Variants in FBXO11 observed in about 807,000 individuals in gnomAD.
FBXO11 encodes F-box protein 11.
A neutral mutation model predicts 117.0 loss-of-function variants in FBXO11; 13 were observed. That is an observed-to-expected ratio of 0.11 (90% confidence interval 0.07 to 0.18). The LOEUF (loss-of-function observed/expected upper bound fraction) is 0.18. Ranked by LOEUF, FBXO11 falls within the 10% of genes least tolerant of loss-of-function variation. FBXO11 has a pLI of 1.00. For synonymous variants in FBXO11, 490 were observed against 380.5 expected (o/e 1.29, Z -3.35); for missense variants, 767 against 1,164.4 (o/e 0.66, Z 4.97).
intron 1 of FBXO11, among the ~76,000 whole-genome samples, chr2:47,901,878 C>T (rs1276313712): frequency 1.3e-5 from 2 of 152,332 alleles, no homozygotes; most frequent in South Asian, 4.1e-4. Context: ...AAAATCCAAT[C>T]CCACACTACT....
intron 1 of FBXO11, among the ~76,000 whole-genome samples, chr2:47,843,703 C>A (rs1288429364): frequency 6.6e-6 from 1 of 151,910 alleles, no homozygotes; most frequent in Non-Finnish European, 1.5e-5. Flanking sequence ...CAATTTCTTA[C>A]TTTTATGGAT....
At chr2:47,878,798 T>C (rs1186012583) in intron 1 of FBXO11, among the ~76,000 whole-genome samples, 1 of 151,746 alleles carries the variant, frequency 6.6e-6, no homozygotes, top group Non-Finnish European at 1.5e-5. Context: ...GCCAACAACA[T>C]GGTGAAACCC....
At chr2:47,837,660 A>C (rs1672690006) in intron 4 of FBXO11, among the ~76,000 whole-genome samples, 1 of 152,206 alleles carries the variant, frequency 6.6e-6, no homozygotes, top group Non-Finnish European at 1.5e-5. Context: ...AGTCTGCCAT[A>C]TTTGCTTCCA....
At chr2:47,820,961 T>A (rs1671337247) in intron 13 of FBXO11, among the ~76,000 whole-genome samples, 1 of 152,234 alleles carries the variant, frequency 6.6e-6, no homozygotes. Flanking sequence ...ACTGATTGTT[T>A]GCTGATTTAA....
chr2:47,808,605 A>G (rs768935042), intron 21 of FBXO11, 178 bp from the exon 22 acceptor site: 3 of 519,312 alleles, frequency 5.8e-6, no homozygotes, highest in Admixed American at 3.6e-5. Context: ...TTTTCCTGTC[A>G]TCTGTGTCTT....
intron 1 of FBXO11, among the ~76,000 whole-genome samples, chr2:47,844,214 T>G (rs1233386192): frequency 6.6e-6 from 1 of 152,236 alleles, no homozygotes; most frequent in Non-Finnish European, 1.5e-5. Context: ...CACTGATCTA[T>G]TACCTCATTG....
chr2:47,874,194 A>G lies in FBXO11; in HGVS notation c.232+31295T>C, dbSNP rs75837328. ...GCACCACTGCACTCCAGTCCGGACG[A>G]TAGTGCGAGACTGTCTCAAAAATAA... On this transcript the variant is annotated intron_variant, in intron 1 of 22. Coordinates refer to ENST00000403359, the MANE Select transcript of FBXO11 (RefSeq NM_001190274.2). Among the ~76,000 whole-genome samples, 44 of 152,310 alleles carry G rather than the reference A, an allele frequency of 2.9e-4. No homozygotes were observed. In the East Asian group the frequency reaches 8.1e-3, roughly 28 times the overall value.
Position 47,808,074 on chromosome 2 carries a change from G to A in FBXO11, c.*44C>T. On this transcript the variant is annotated 3_prime_UTR_variant, in exon 23 of 23. Transcript: ENST00000403359. ...ATCTTCTTCCAAAAAAGTGTTTTAAGTTATGATGTTACAATGGCAGGACTT... is the reference window on the plus strand; with the variant it reads ...ATCTTCTTCCAAAAAAGTGTTTTAAATTATGATGTTACAATGGCAGGACTT... 3.9e-6 allele frequency: 6 copies of A among 1,533,020 alleles called. No individual in the cohort carries two copies. In the South Asian group the frequency reaches 5.8e-5, roughly 15 times the overall value. The allele number at this position is 1,533,020 out of a possible 1,614,324, so 95.0% of individuals were successfully genotyped here. A position where few individuals can be genotyped will look rare whatever the true frequency, so the allele number is the denominator to read the frequency against.
chr2:47,904,055 G>A (rs1352006648), intron 1 of FBXO11, among the ~76,000 whole-genome samples: 1 of 152,182 alleles, frequency 6.6e-6, no homozygotes, highest in Non-Finnish European at 1.5e-5. Flanking sequence ...AGTGACTGGT[G>A]AAAGCCTTTT....
intron 1 of FBXO11, among the ~76,000 whole-genome samples, chr2:47,887,397 T>A (rs1676943255): frequency 6.6e-6 from 1 of 151,300 alleles, no homozygotes; most frequent in Non-Finnish European, 1.5e-5. Context: ...CCTCTGGGAA[T>A]GAAAGAACAG....
At chr2:47,845,703 A>G (rs1673356826) in intron 1 of FBXO11, among the ~76,000 whole-genome samples, 1 of 152,198 alleles carries the variant, frequency 6.6e-6, no homozygotes, top group South Asian at 2.1e-4. Context: ...ACAAAATTAT[A>G]AGCTCTGAGG....
Position 47,863,072 on chromosome 2 carries a change from C to CA in FBXO11, c.233-23304dup, listed in dbSNP as rs1297603578. Among the ~76,000 whole-genome samples the CA allele has an allele frequency of 3.4e-3, 412 of 119,656 alleles. 2 individuals are homozygous for CA. The highest frequency in any genetic ancestry group is 0.013 in the South Asian group (53 of 4,106). The allele number at this position is 119,656 out of a possible 152,430, so 78.5% of individuals were successfully genotyped here. A position where few individuals can be genotyped will look rare whatever the true frequency, so the allele number is the denominator to read the frequency against. Reference sequence around the variant, plus strand: ...CTGTGTCTCAAAAAAAAAAAAAAAACAAAAAAACAAAAACAAAACAAAAAA... The same window carrying CA: ...CTGTGTCTCAAAAAAAAAAAAAAAACAAAAAAAACAAAAACAAAACAAAAAA... On this transcript the variant is annotated intron_variant, in intron 1 of 22. Transcript: ENST00000403359.
At chr2:47,836,158 G>C (rs371811408) in intron 4 of FBXO11, among the ~76,000 whole-genome samples, 157 bp from the exon 5 acceptor site, 2 of 151,314 alleles carry the variant, frequency 1.3e-5, no homozygotes, top group Admixed American at 1.3e-4. Context: ...TTTTTTTTGA[G>C]ACACAGTCTC....
chr2:47,835,422 A>AAAT (rs1672474409), intron 5 of FBXO11, among the ~76,000 whole-genome samples: 1 of 152,228 alleles, frequency 6.6e-6, no homozygotes, highest in African/African-American at 2.4e-5. Context: ...CTAACTTATT[A>AAAT]ATGGGGGGAT....
intron 1 of FBXO11, among the ~76,000 whole-genome samples, chr2:47,846,819 G>A (rs558717123): frequency 3.3e-5 from 5 of 152,044 alleles, no homozygotes; most frequent in South Asian, 2.1e-4. Flanking sequence ...AAAATAGTAC[G>A]TATGTGTAAC....
intron 1 of FBXO11, among the ~76,000 whole-genome samples, chr2:47,866,337 C>G (rs573347661): frequency 6.6e-6 from 1 of 151,540 alleles, no homozygotes; most frequent in Non-Finnish European, 1.5e-5. Context: ...CAAATACACT[C>G]TATCTCATCT....
intron 1 of FBXO11, among the ~76,000 whole-genome samples, chr2:47,890,226 CA>C (rs1677158808): frequency 6.6e-6 from 1 of 152,086 alleles, no homozygotes; most frequent in Non-Finnish European, 1.5e-5. Context: ...CTCATCCTTC[CA>C]AAATGCTAGG....
At position 47,808,092 on chromosome 2, in the gene FBXO11, CA is replaced by C; in HGVS notation, c.*25del. 1 of 1,583,098 alleles carries C rather than the reference CA, an allele frequency of 6.3e-7. No individual in the cohort carries two copies. Among genetic ancestry groups the C allele is most frequent in the South Asian group, 1.1e-5 (1 of 87,508 alleles). ...GTTTTAAGTTATGATGTTACAATGG[CA>C]GGACTTTTTCTTTAGGGAAGGAATT... On this transcript the variant is annotated 3_prime_UTR_variant, in exon 23 of 23. Coordinates refer to ENST00000403359, the MANE Select transcript of FBXO11 (RefSeq NM_001190274.2).
In FBXO11 at chr2:47,905,760, ACACGCACACG is replaced by A; in HGVS notation, c.-50_-41del. 7.8e-7 allele frequency: 1 copy of A among 1,279,722 alleles called. No individual in the cohort carries two copies. Among genetic ancestry groups the A allele is most frequent in the Non-Finnish European group, 1.0e-6 (1 of 986,570 alleles). The allele number at this position is 1,279,722 out of a possible 1,614,324, so 79.3% of individuals were successfully genotyped here. ...TGGCGGCGTTGGCGGAGGGACACAC[ACACGCACACG>A]CACAGCGAGCTTCGGGGCAGGAGAA... On this transcript the variant is annotated 5_prime_UTR_variant, in exon 1 of 23. Coordinates refer to ENST00000403359, the MANE Select transcript of FBXO11 (RefSeq NM_001190274.2).
Sources: allele counts gnomAD v4.1 joint callset (sites outside exome capture counted in the v4.1 genomes callset), GRCh38; gene constraint gnomAD v4.1.1; transcripts MANE v1.5; gene names NCBI Gene and HGNC (gene_info 2026-07-23, HGNC 2026-07-21).